Variants in MAGI2 observed in about 807,000 individuals in gnomAD.
MAGI2 encodes the protein membrane-associated guanylate kinase, WW and PDZ domain-containing protein 2.
Under a neutral mutation model 133.3 loss-of-function variants are expected in MAGI2, and 35 were observed. The ratio of observed to expected loss-of-function variants is 0.26; its 90% CI spans 0.20 to 0.35. The LOEUF is 0.35. Ranked by LOEUF, MAGI2 falls within the 10% of genes least tolerant of loss-of-function variation. The pLI is 1.00. For missense variants in MAGI2, 1,636 were observed against 1,863.4 expected (o/e 0.88, Z 2.25); for synonymous variants, 729 against 710.6 (o/e 1.03, Z -0.41).
rs144526217 is a variant in MAGI2 at position 79,111,675 on chromosome 7, G to T, written c.302-104469C>A. On this transcript the variant is annotated intron_variant, in intron 1 of 21. Transcript: ENST00000354212. Reference sequence around the variant, plus strand: ...AATAGAGACTTTTGTTTGTTTGTTTGTTTGTTTTTGAGATGGAGTCTCACT... The same window carrying T: ...AATAGAGACTTTTGTTTGTTTGTTTTTTTGTTTTTGAGATGGAGTCTCACT... Among the ~76,000 whole-genome samples, 396 of 152,106 alleles carry T rather than the reference G, an allele frequency of 2.6e-3. 1 individual carries two copies. Among genetic ancestry groups the T allele is most frequent in the Non-Finnish European group, 4.1e-3 (280 of 67,972 alleles).
chr7:78,381,371 A>AAAGAC (rs1242802706), intron 6 of MAGI2, among the ~76,000 whole-genome samples: 2 of 151,982 alleles, frequency 1.3e-5, no homozygotes, highest in Non-Finnish European at 2.9e-5. Context: ...AAAGAAAAGA[A>AAAGAC]ACAACATGAG....
At chr7:79,096,361 C>T (rs532792628) in intron 1 of MAGI2, among the ~76,000 whole-genome samples, 2 of 152,174 alleles carry the variant, frequency 1.3e-5, no homozygotes, top group East Asian at 3.9e-4. Context: ...CCATTCCTAG[C>T]TCTGCTCCCT....
At chr7:78,339,034 C>T (rs1790077625) in intron 9 of MAGI2, among the ~76,000 whole-genome samples, 1 of 149,200 alleles carries the variant, frequency 6.7e-6, no homozygotes, top group East Asian at 2.0e-4. Context: ...GCTCACTCCT[C>T]CTACTCTCCT....
chr7:78,281,488 C>T (rs1482496220), intron 9 of MAGI2, among the ~76,000 whole-genome samples: 1 of 152,150 alleles, frequency 6.6e-6, no homozygotes, highest in African/African-American at 2.4e-5. Flanking sequence ...AAGTGCCTTG[C>T]TTCCTCTTAT....
At chr7:79,391,442 C>T (rs76336659) in intron 1 of MAGI2, among the ~76,000 whole-genome samples, 3,127 of 143,944 alleles carry the variant, frequency 0.022, 96 homozygotes, top group African/African-American at 0.077. Flanking sequence ...GTTAAAGAAA[C>T]GGTTAAAAGA....
intron 1 of MAGI2, among the ~76,000 whole-genome samples, chr7:79,307,294 A>G (rs1837903970): frequency 6.6e-6 from 1 of 152,208 alleles, no homozygotes; most frequent in Non-Finnish European, 1.5e-5. Flanking sequence ...AGATGGACAC[A>G]GTTTTAAGAT....
chr7:78,852,199 G>A (rs562499518), intron 2 of MAGI2, among the ~76,000 whole-genome samples: 2 of 151,980 alleles, frequency 1.3e-5, no homozygotes, highest in South Asian at 4.2e-4. Context: ...TTGCCCCATT[G>A]CTTTTCTTCA....
At chr7:79,409,980 A>AT (rs1187653875) in intron 1 of MAGI2, 1 of 152,114 alleles carries the variant, frequency 6.6e-6, no homozygotes. Context: ...GTAATATTTG[A>AT]TGGGAAGAAT....
chr7:79,060,950 T>C (rs1236293869), intron 1 of MAGI2, among the ~76,000 whole-genome samples: 1 of 152,176 alleles, frequency 6.6e-6, no homozygotes, highest in African/African-American at 2.4e-5. Context: ...CCAGAATTTC[T>C]ATCTGAGATG....
intron 1 of MAGI2, among the ~76,000 whole-genome samples, chr7:79,090,934 A>G (rs796754939): frequency 1.4e-4 from 22 of 152,188 alleles, no homozygotes; most frequent in African/African-American, 5.3e-4. Flanking sequence ...AACAGTGTAC[A>G]GCTCAGCACC....
intron 1 of MAGI2, among the ~76,000 whole-genome samples, chr7:79,231,821 T>C (rs374054867): frequency 4.6e-5 from 7 of 151,066 alleles, no homozygotes; most frequent in East Asian, 2.0e-4. Context: ...CCAGAACTTC[T>C]AACACTATGT....
chr7:78,438,183 A>G (rs1309260968), intron 6 of MAGI2, among the ~76,000 whole-genome samples: 4 of 152,018 alleles, frequency 2.6e-5, no homozygotes, highest in African/African-American at 9.7e-5. Context: ...TATCTTCTGT[A>G]TTCTGATAAA....
intron 1 of MAGI2, among the ~76,000 whole-genome samples, chr7:79,182,642 TA>T (rs1345779970): frequency 3.3e-5 from 5 of 151,838 alleles, no homozygotes; most frequent in Admixed American, 6.6e-5. Context: ...CTCAAAGAAC[TA>T]AAAATAGAAG....
intron 1 of MAGI2, among the ~76,000 whole-genome samples, chr7:79,399,598 G>C (rs77157421): frequency 0.02 from 3,072 of 152,210 alleles, 116 homozygotes; most frequent in African/African-American, 0.07. Context: ...AGTGCTTCTA[G>C]AAGAGAGCCT....
chr7:78,146,172 T>A (rs1293580371), intron 16 of MAGI2, among the ~76,000 whole-genome samples: 1 of 152,106 alleles, frequency 6.6e-6, no homozygotes, highest in Non-Finnish European at 1.5e-5. Context: ...GTATTTTAGG[T>A]TCTGGGCCTC....
chr7:78,731,467 G>A (rs1361259254), intron 2 of MAGI2, among the ~76,000 whole-genome samples: 1 of 152,098 alleles, frequency 6.6e-6, no homozygotes, highest in African/African-American at 2.4e-5. Context: ...AGGAAGAAAT[G>A]AAATATTTGC....
chr7:78,957,018 C>T (rs1802432274), intron 2 of MAGI2, among the ~76,000 whole-genome samples: 1 of 152,006 alleles, frequency 6.6e-6, no homozygotes, highest in Non-Finnish European at 1.5e-5. Flanking sequence ...AATCCCAGCA[C>T]TTTGGGAGGC....
At chr7:78,655,898 C>T (rs1388344235) in intron 2 of MAGI2, among the ~76,000 whole-genome samples, 2 of 147,112 alleles carry the variant, frequency 1.4e-5, no homozygotes, top group Non-Finnish European at 3.0e-5. Context: ...GGAGAATGGC[C>T]TGAACCCGGG....
At chr7:78,283,693 C>T (rs1249664457) in intron 9 of MAGI2, among the ~76,000 whole-genome samples, 2 of 151,976 alleles carry the variant, frequency 1.3e-5, no homozygotes, top group Non-Finnish European at 2.9e-5. Flanking sequence ...TGTGATCTAG[C>T]TTGTGTACTC....
Sources: gnomAD v4.1 joint callset for allele counts (sites outside exome capture counted in the v4.1 genomes callset) on GRCh38, gnomAD v4.1.1 for gene constraint, MANE v1.5 for transcripts, NCBI Gene and HGNC (gene_info 2026-07-23, HGNC 2026-07-21) for gene names.